PLXNA1: variants seen among roughly 807,000 people sequenced by gnomAD.
The protein encoded by PLXNA1 is plexin A1, also known as plexin-A1.
PLXNA1 carries 77 observed loss-of-function variants against 191.7 expected under a neutral mutation model. That is an observed-to-expected ratio of 0.40 (90% CI 0.33 to 0.49). The LOEUF (loss-of-function observed/expected upper bound fraction) is 0.49. Among genes scored for constraint, PLXNA1 ranks in the 20% least tolerant of loss-of-function variants. The pLI, the probability that PLXNA1 is intolerant of heterozygous loss-of-function variation, is 0.63. For missense variants in PLXNA1, 2,110 were observed against 2,660.2 expected (o/e 0.79, Z 4.55); for synonymous variants, 1,137 against 1,156.4 (o/e 0.98, Z 0.34).
rs766916780 is a variant in PLXNA1, at chr3:127,004,585, G to C, written c.1519-26G>C. ...CAAGGACCCCTGGGGTGGTACTGGAGGGGCCTGACACCTCCCCCACACCAG... is the reference window on the plus strand; with the variant it reads ...CAAGGACCCCTGGGGTGGTACTGGACGGGCCTGACACCTCCCCCACACCAG... On this transcript the variant is annotated intron_variant, in intron 4 of 31. Transcript: ENST00000393409. 48 of 1,528,946 alleles carry C rather than the reference G, an allele frequency of 3.1e-5. No homozygotes were observed. In the South Asian group the frequency reaches 5.5e-4, roughly 17 times the overall value. 94.7% of individuals were successfully genotyped at this position (1,528,946 alleles called of 1,614,324 possible).
chr3:127,023,849 G>C lies in PLXNA1; in HGVS notation c.4362+1031G>C, dbSNP rs529754347. Among the ~76,000 whole-genome samples, 137 of 152,252 alleles carry C rather than the reference G, an allele frequency of 9.0e-4. 1 individual carries two copies. Among genetic ancestry groups the C allele is most frequent in the Non-Finnish European group, 1.5e-3 (105 of 68,016 alleles). Reference sequence around the variant, plus strand: ...GAGCAGAGGTCTGAAGACCAGGCGGGGGGAGGGAAGAGAGTCCCAGGCAGA... The same window carrying C: ...GAGCAGAGGTCTGAAGACCAGGCGGCGGGAGGGAAGAGAGTCCCAGGCAGA... On this transcript the variant is annotated intron_variant, in intron 23 of 31. Transcript: ENST00000393409.
At chr3:127,014,919 G>A (rs2079115310) in intron 14 of PLXNA1, 88 bp downstream of exon 14, 2 of 1,527,406 alleles carry the variant, frequency 1.3e-6, no homozygotes, top group African/African-American at 1.4e-5. Context: ...AGGGCCCCTT[G>A]TCTGGCCATG....
Position 127,013,549 on chromosome 3 carries a change from A to G in PLXNA1, c.2314-471A>G, listed in dbSNP as rs921350309. ...CCTTGTTGAGGAGGGGACGGGGAGC[A>G]GAGCTGCACCTGACAGTGATTTTGC... is the stretch of plus-strand genomic sequence containing the variant. On this transcript the variant is annotated intron_variant, in intron 10 of 31. Transcript: ENST00000393409. Among the ~76,000 whole-genome samples the G allele has an allele frequency of 3.9e-5, 6 of 152,358 alleles. No homozygotes were observed. The East Asian group carries it at 1.2e-3, about 29-fold the overall frequency.
At chr3:127,018,028 G>T in intron 19 of PLXNA1, 136 bp downstream of exon 19, 1 of 1,263,282 alleles carries the variant, frequency 7.9e-7, no homozygotes, top group East Asian at 2.5e-5. Flanking sequence ...TCCAGTGCAG[G>T]CCCTGCCGTA....
At chr3:127,012,337 C>G (rs2079100216) in intron 10 of PLXNA1, among the ~76,000 whole-genome samples, 179 bp downstream of exon 10, 1 of 152,248 alleles carries the variant, frequency 6.6e-6, no homozygotes, top group Non-Finnish European at 1.5e-5. Context: ...TTCAGATGTG[C>G]CTGGGTCATG....
intron 3 of PLXNA1, among the ~76,000 whole-genome samples, chr3:126,998,780 C>T (rs2079026404): frequency 6.6e-6 from 1 of 152,188 alleles, no homozygotes; most frequent in Non-Finnish European, 1.5e-5. Context: ...CCCTGGCTGT[C>T]CTTCACCTGC....
chr3:126,988,846 G>C lies in PLXNA1; in HGVS notation c.253G>C (p.Val85Leu). Reference sequence around the variant, plus strand: ...GAACCTGACACTGCTGCGGGCCCACGTCACGGGCCCTGTGGAGGACAACGA... The same window carrying C: ...GAACCTGACACTGCTGCGGGCCCACCTCACGGGCCCTGTGGAGGACAACGA... ...SGNLTLLRAH[V>L]TGPVEDNEKC... Residue 85 changes from valine to leucine, a missense_variant, in exon 2 of 32, where the codon GTC becomes CTC. Transcript: ENST00000393409. The C allele has an allele frequency of 6.2e-7, 1 of 1,613,428 alleles. No individual in the cohort carries two copies. Among genetic ancestry groups the C allele is most frequent in the Non-Finnish European group, 8.5e-7 (1 of 1,180,004 alleles).
rs1296728457 is a variant in PLXNA1 at position 127,014,516 on chromosome 3, G to T, written c.2643G>T (p.Arg881=). The change falls in exon 13 of 32, where the codon CGG becomes CGT. Residue 881 remains arginine (R), a synonymous_variant. Coordinates refer to ENST00000393409, the MANE Select transcript of PLXNA1 (RefSeq NM_032242.4). ...PETGPRQGGT[R]LTITGENLGL... The stretch of plus-strand genomic sequence containing the variant: ...CGGGCCCGAGGCAGGGCGGCACGCG[G>T]CTCACTATCACAGGCGAGAACCTGG... The T allele has an allele frequency of 6.2e-7, 1 of 1,608,224 alleles. No homozygotes were observed. The highest frequency in any genetic ancestry group is 1.7e-5 in the Admixed American group (1 of 60,008).
rs2107640975 is a variant in PLXNA1 at position 127,035,732 on chromosome 3, C to T, written c.*1715C>T. On this transcript the variant is annotated 3_prime_UTR_variant, in exon 32 of 32. Transcript: ENST00000393409. The stretch of plus-strand genomic sequence containing the variant: ...AGCTAACTGTGGCCAGACTCAGCCC[C>T]ATGTCCTTGGCCAGGCCCAAGGAGA... The T allele has an allele frequency of 6.6e-6, 1 of 152,610 alleles. No homozygotes were observed. Among genetic ancestry groups the T allele is most frequent in the East Asian group, 1.9e-4 (1 of 5,176 alleles). 9.5% of individuals were successfully genotyped at this position (152,610 alleles called of 1,614,324 possible). A position where few individuals can be genotyped will look rare whatever the true frequency, so the allele number is the denominator to read the frequency against.
chr3:127,018,811 T>G (rs1191153168), intron 20 of PLXNA1, among the ~76,000 whole-genome samples: 2 of 152,170 alleles, frequency 1.3e-5, no homozygotes, highest in Non-Finnish European at 2.9e-5. Flanking sequence ...AGGCTGAAGG[T>G]GGCTACTTAC....
chr3:126,994,188 G>A (rs969008605), intron 3 of PLXNA1, among the ~76,000 whole-genome samples: 5 of 152,116 alleles, frequency 3.3e-5, no homozygotes, highest in Admixed American at 1.3e-4. Flanking sequence ...CCCTTTCTGC[G>A]GTTCCTTGGA....
chr3:126,984,999 G>A (rs559179418), intron 1 of PLXNA1, among the ~76,000 whole-genome samples: 130 of 152,298 alleles, frequency 8.5e-4, no homozygotes, highest in Non-Finnish European at 1.3e-3. Flanking sequence ...TGGGGGAGGC[G>A]GAGTGCCAGG....
At chr3:127,014,145 G>C (rs774107761) in intron 11 of PLXNA1, 29 bp downstream of exon 11, 1 of 1,613,120 alleles carries the variant, frequency 6.2e-7, no homozygotes, top group South Asian at 1.1e-5. Context: ...GGGGTGGGCA[G>C]TGGGCGGGCC....
chr3:127,025,892 C>G (rs2079174305), intron 23 of PLXNA1, among the ~76,000 whole-genome samples: 4 of 152,198 alleles, frequency 2.6e-5, no homozygotes, highest in African/African-American at 7.2e-5. Context: ...TTTAAACAAC[C>G]CAAATCCTTT....
chr3:127,029,803 A>G, intron 27 of PLXNA1, 71 bp from the exon 28 acceptor site: 1 of 1,449,444 alleles, frequency 6.9e-7, no homozygotes, highest in Non-Finnish European at 9.2e-7. Flanking sequence ...CAGCTTTCAG[A>G]TGGGGAAACA....
chr3:127,011,929 G>T (rs562376923), intron 9 of PLXNA1, 29 bp from the exon 10 acceptor site: 2 of 1,601,256 alleles, frequency 1.2e-6, no homozygotes, highest in East Asian at 4.5e-5. Flanking sequence ...CTCCGCCCCC[G>T]GGCTCAGCCA....
At position 126,989,478 on chromosome 3, in the gene PLXNA1, C is replaced by T. The variant is rs146511348; in HGVS notation, c.885C>T (p.Tyr295=). ...LCVDDPKFYS[Y]VEFPIGCEQA... Reference sequence around the variant, plus strand: ...TGGACGACCCCAAATTCTACTCGTACGTTGAGTTCCCCATTGGCTGCGAGC... The same window carrying T: ...TGGACGACCCCAAATTCTACTCGTATGTTGAGTTCCCCATTGGCTGCGAGC... The change falls in exon 2 of 32, where the codon TAC becomes TAT. Residue 295 remains tyrosine, a synonymous_variant. Coordinates refer to ENST00000393409, the MANE Select transcript of PLXNA1 (RefSeq NM_032242.4). 121 of 1,613,608 alleles carry T rather than the reference C, an allele frequency of 7.5e-5. No homozygotes were observed. Among genetic ancestry groups the T allele is most frequent in the Non-Finnish European group, 8.8e-5 (104 of 1,180,054 alleles).
chr3:127,002,592 A>G (rs777203996), intron 3 of PLXNA1, among the ~76,000 whole-genome samples: 1 of 152,226 alleles, frequency 6.6e-6, no homozygotes, highest in Non-Finnish European at 1.5e-5. Context: ...GAAGCAGGCC[A>G]CAGCCCGCAG....
intron 31 of PLXNA1, 127 bp downstream of exon 31, chr3:127,032,963 T>C: frequency 2.0e-6 from 2 of 995,488 alleles, no homozygotes; most frequent in Non-Finnish European, 2.9e-6. Flanking sequence ...CCTTCACTCC[T>C]CTGCACCCTC....
Sources: gnomAD v4.1 joint callset for allele counts (sites outside exome capture counted in the v4.1 genomes callset) on GRCh38, gnomAD v4.1.1 for gene constraint, MANE v1.5 for transcripts, NCBI Gene and HGNC (gene_info 2026-07-23, HGNC 2026-07-21) for gene names.